The following CAND2 variants were observed in gnomAD, a reference collection of about 807,000 sequenced individuals.
CAND2 encodes the protein cullin associated and neddylation dissociated 2 (putative).
A neutral mutation model predicts 98.9 loss-of-function variants in CAND2; 62 were observed. That is an observed-to-expected ratio of 0.63 (90% CI 0.51 to 0.77). CAND2 has a LOEUF of 0.77. CAND2 is among the 30% of genes least tolerant of loss of function. The pLI is 0.00. For synonymous variants in CAND2, 770 were observed against 731.9 expected (o/e 1.05, Z -0.84); for missense variants, 1,501 against 1,655.2 (o/e 0.91, Z 1.62).
intron 5 of CAND2, among the ~76,000 whole-genome samples, chr3:12,812,213 C>CTTTTTT (rs2061856842): frequency 1.3e-5 from 1 of 77,054 alleles, no homozygotes; most frequent in Non-Finnish European, 2.8e-5. Context: ...CCGGCCTAAG[C>CTTTTTT]TGTTTATCTT....
intron 5 of CAND2, 64 bp from the exon 6 acceptor site, chr3:12,812,926 T>C: frequency 1.0e-6 from 1 of 994,810 alleles, no homozygotes. Flanking sequence ...GTCTGAGTGC[T>C]GTGGGCTGGG....
intron 11 of CAND2, among the ~76,000 whole-genome samples, chr3:12,824,358 G>A (rs761923572): frequency 6.6e-6 from 1 of 152,142 alleles, no homozygotes; most frequent in Non-Finnish European, 1.5e-5. Context: ...GTGGAGACTG[G>A]GAGGTCCAAG....
chr3:12,829,002 C>T (rs778716295), intron 13 of CAND2, among the ~76,000 whole-genome samples: 4 of 152,134 alleles, frequency 2.6e-5, no homozygotes, highest in Non-Finnish European at 4.4e-5. Flanking sequence ...ATGAGTAATG[C>T]GACTGTGAAC....
rs369311582 is a variant in CAND2, at chr3:12,817,422, C to G, written c.2490C>G (p.Ala830=). The G allele has an allele frequency of 2.2e-4, 358 of 1,613,652 alleles. No homozygotes were observed. The highest frequency in any genetic ancestry group is 2.8e-4 in the Non-Finnish European group (334 of 1,180,026). The change falls in exon 10 of 15, where the codon GCC becomes GCG. Residue 830 remains alanine (A), a synonymous_variant. Coordinates refer to ENST00000456430, the MANE Select transcript of CAND2 (RefSeq NM_001162499.2). The stretch of plus-strand genomic sequence containing the variant: ...CAGCCAGTCGCCTGGTCTGCGATGC[C>G]AGGTCGCCCCACTCCAGCACGGGGG... ...ASTASRLVCD[A]RSPHSSTGVK... is the part of the protein sequence containing the mutation.
Position 12,807,359 on chromosome 3 carries a change from A to G in CAND2, c.266A>G (p.Asp89Gly). ...GAGTACCAGGTGGAGACCATTGTGG[A>G]CACCCTGTGCACCAACATGCGGTCA... ...VKEYQVETIVDTLCTNMRSDK... is the reference protein window; with the variant it reads ...VKEYQVETIVGTLCTNMRSDK... The change falls in exon 3 of 15, where the codon GAC becomes GGC. Residue 89 changes from aspartate (D) to glycine (G), a missense_variant. Physicochemically the swap from Asp to Gly is moderately conservative, Grantham distance 94 (BLOSUM62 -1). This residue lies in a region of CAND2 where 1,427 missense variants were observed against 1,545.3 expected (regional missense o/e 0.92). Coordinates refer to ENST00000456430, the MANE Select transcript of CAND2 (RefSeq NM_001162499.2). 2 of 1,551,694 alleles carry G rather than the reference A, an allele frequency of 1.3e-6. No individual in the cohort carries two copies. Among genetic ancestry groups the G allele is most frequent in the East Asian group, 2.4e-5 (1 of 40,910 alleles).
In CAND2 at chr3:12,815,320, G is replaced by A. The variant is rs1366305777; in HGVS notation, c.1186G>A (p.Val396Ile). 1.4e-5 allele frequency: 22 copies of A among 1,613,884 alleles called. No individual in the cohort carries two copies. The highest frequency in any genetic ancestry group is 4.0e-5 in the African/African-American group (3 of 74,942). ...KEREENVKAD[V>I]FTAYIVLLRQ... Reference sequence around the variant, plus strand: ...ACGCGAGGAGAACGTCAAGGCTGACGTCTTCACTGCTTACATCGTGCTGCT... The same window carrying A: ...ACGCGAGGAGAACGTCAAGGCTGACATCTTCACTGCTTACATCGTGCTGCT... The change falls in exon 8 of 15, where the codon GTC (valine) becomes ATC (isoleucine). Residue 396 changes from valine (V) to isoleucine (I), a missense_variant. Physicochemically the swap from Val to Ile is conservative, Grantham distance 29 (BLOSUM62 3). Coordinates refer to ENST00000456430, the MANE Select transcript of CAND2 (RefSeq NM_001162499.2). The surrounding 1 kb of genome is among the most constrained non-coding windows in gnomAD (Gnocchi z 5.7).
chr3:12,814,113 TG>T (rs2061877157), intron 7 of CAND2, among the ~76,000 whole-genome samples: 1 of 152,178 alleles, frequency 6.6e-6, no homozygotes. Flanking sequence ...TGTGTGTTCG[TG>T]GGTGGCCTAC....
At chr3:12,833,716 T>C in intron 14 of CAND2, 39 bp from the exon 15 acceptor site, 1 of 1,539,260 alleles carries the variant, frequency 6.5e-7, no homozygotes, top group Non-Finnish European at 9.0e-7. Flanking sequence ...TGGGCCAGGC[T>C]CAATAAAGGA....
chr3:12,828,572 C>T (rs1437751824), intron 13 of CAND2, among the ~76,000 whole-genome samples: 1 of 152,086 alleles, frequency 6.6e-6, no homozygotes, highest in African/African-American at 2.4e-5. Flanking sequence ...GAACTCCTGA[C>T]CTCAAGTAAT....
intron 11 of CAND2, among the ~76,000 whole-genome samples, chr3:12,820,713 G>T (rs1044228984): frequency 6.6e-6 from 1 of 152,182 alleles, no homozygotes; most frequent in Admixed American, 6.5e-5. Context: ...CTCCCTCTGG[G>T]GCTCGGCAGG....
At chr3:12,798,487 G>A (rs2061742861) in intron 1 of CAND2, among the ~76,000 whole-genome samples, 1 of 152,148 alleles carries the variant, frequency 6.6e-6, no homozygotes, top group East Asian at 1.9e-4. Flanking sequence ...GTGAATGTTC[G>A]CTGGGTCCCA....
At chr3:12,805,736 T>C (rs1453012604) in intron 2 of CAND2, among the ~76,000 whole-genome samples, 1 of 152,268 alleles carries the variant, frequency 6.6e-6, no homozygotes. Context: ...TGTGTCTATG[T>C]ATAAAATGAA....
chr3:12,799,075 C>T (rs189353918), intron 1 of CAND2, among the ~76,000 whole-genome samples: 1 of 152,246 alleles, frequency 6.6e-6, no homozygotes, highest in Admixed American at 6.5e-5. Flanking sequence ...CAGGAATTAC[C>T]AAGTCATTTC....
chr3:12,800,339 A>G (rs1159234032), intron 1 of CAND2, among the ~76,000 whole-genome samples: 1 of 152,238 alleles, frequency 6.6e-6, no homozygotes, highest in East Asian at 1.9e-4. Flanking sequence ...GTCTGCACAG[A>G]TGAGAGCCAG....
At position 12,833,863 on chromosome 3, in the gene CAND2, C is replaced by A; in HGVS notation, c.3592C>A (p.Pro1198Thr). ...LLTIPEVGKS[P>T]IMADFSSQIR... is the part of the protein sequence containing the mutation. ...GACCATCCCCGAGGTGGGGAAAAGC[C>A]CCATCATGGCCGACTTCTCTTCCCA... Residue 1198 changes from proline (P) to threonine (T), a missense_variant, in exon 15 of 15, where the codon CCC (proline) becomes ACC (threonine). Pro to Thr is a conservative substitution (Grantham distance 38). Around this residue, in one of 3 missense-constraint regions of CAND2, gnomAD observed 1,427 missense variants for 1,545.3 expected, o/e 0.92. Coordinates refer to ENST00000456430, the MANE Select transcript of CAND2 (RefSeq NM_001162499.2). 6.2e-7 allele frequency: 1 copy of A among 1,614,182 alleles called. No individual in the cohort carries two copies. Among genetic ancestry groups the A allele is most frequent in the Non-Finnish European group, 8.5e-7 (1 of 1,180,028 alleles).
At chr3:12,799,907 G>T (rs1469899642) in intron 1 of CAND2, among the ~76,000 whole-genome samples, 1 of 143,832 alleles carries the variant, frequency 7.0e-6, no homozygotes, top group Non-Finnish European at 1.5e-5. Context: ...GCTCTTGATG[G>T]GTGAATAGGA....
intron 13 of CAND2, among the ~76,000 whole-genome samples, chr3:12,829,307 G>A (rs928117838): frequency 2.0e-5 from 3 of 152,050 alleles, no homozygotes; most frequent in Non-Finnish European, 1.5e-5. Flanking sequence ...CACCACGCTC[G>A]GCTAATTTTT....
chr3:12,819,947 A>C, intron 10 of CAND2, 139 bp from the exon 11 acceptor site: 1 of 658,168 alleles, frequency 1.5e-6, no homozygotes, highest in Non-Finnish European at 2.7e-6. Flanking sequence ...AAATGGTAGA[A>C]TCCACTTTCC....
rs766339150 is a variant in CAND2, at chr3:12,813,287, G to C, written c.905G>C (p.Ser302Thr). The C allele has an allele frequency of 6.2e-7, 1 of 1,614,006 alleles. No homozygotes were observed. Among genetic ancestry groups the C allele is most frequent in the Non-Finnish European group, 8.5e-7 (1 of 1,180,040 alleles). Reference protein sequence around the residue: ...EMGPHVPNVTSLCLQYIKHDP... With the variant: ...EMGPHVPNVTTLCLQYIKHDP... ...GGTCCTCACGTGCCCAACGTGACCA[G>C]CCTCTGCCTCCAATACATAAAACAC... Residue 302 changes from serine to threonine, a missense_variant, in exon 7 of 15, where the codon AGC becomes ACC. Transcript: ENST00000456430.
Sources: allele counts gnomAD v4.1 joint callset (sites outside exome capture counted in the v4.1 genomes callset), GRCh38; gene constraint gnomAD v4.1.1; regional missense constraint gnomAD v4.1.1; non-coding constraint Gnocchi (gnomAD v3.1); transcripts MANE v1.5; gene names NCBI Gene and HGNC (gene_info 2026-07-23, HGNC 2026-07-21).